Variants in C2CD5 observed in about 807,000 individuals in gnomAD.
C2CD5 encodes C2 calcium dependent domain containing 5, also known as C2 domain-containing protein 5.
A neutral mutation model predicts 130.3 loss-of-function variants in C2CD5; 109 were observed. The observed-to-expected ratio is 0.84, with a 90% CI of 0.72 to 0.98. The LOEUF (loss-of-function observed/expected upper bound fraction) is 0.98. C2CD5 is among the 50% of genes least tolerant of loss of function. The pLI, the probability that C2CD5 is intolerant of heterozygous loss-of-function variation, is 0.00. For synonymous variants in C2CD5, 454 were observed against 429.2 expected (o/e 1.06, Z -0.71); for missense variants, 996 against 1,261.8 (o/e 0.79, Z 3.19).
At chr12:22,528,339 G>A (rs541173246) in intron 3 of C2CD5, among the ~76,000 whole-genome samples, 1 of 152,256 alleles carries the variant, frequency 6.6e-6, no homozygotes, top group South Asian at 2.1e-4. Flanking sequence ...AACATTATGT[G>A]TAAGAAAAAA....
intron 9 of C2CD5, among the ~76,000 whole-genome samples, chr12:22,510,766 T>C (rs962072876): frequency 2.0e-5 from 3 of 152,228 alleles, no homozygotes; most frequent in Admixed American, 6.5e-5. Context: ...CTAAGTTCAC[T>C]AGGTTTCTTG....
At chr12:22,514,619 T>C (rs946120664) in intron 8 of C2CD5, among the ~76,000 whole-genome samples, 1 of 152,138 alleles carries the variant, frequency 6.6e-6, no homozygotes, top group East Asian at 1.9e-4. Context: ...TGTAATCATA[T>C]GGTTTAGCAA....
At position 22,512,815 on chromosome 12, in the gene C2CD5, G is replaced by A. The variant is rs1303807423; in HGVS notation, c.1038+479C>T. ...ATAACTGAAATAGATGCATTATACT[G>A]AATAACCACATTATTTATATTAATC... On this transcript the variant is annotated intron_variant, in intron 9 of 26. Transcript: ENST00000446597. 6 of 513,002 alleles carry A rather than the reference G, an allele frequency of 1.2e-5. No individual in the cohort carries two copies. In the Admixed American group the frequency reaches 1.5e-4, roughly 13 times the overall value. 31.8% of individuals were successfully genotyped at this position (513,002 alleles called of 1,614,324 possible).
intron 2 of C2CD5, among the ~76,000 whole-genome samples, chr12:22,540,021 A>T (rs76033669): frequency 0.051 from 7,747 of 151,482 alleles, 673 homozygotes; most frequent in African/African-American, 0.18. Flanking sequence ...GAGAAAAAAA[A>T]CCCTACCTAG....
At chr12:22,475,935 G>T (rs929814671) in intron 15 of C2CD5, among the ~76,000 whole-genome samples, 38 of 152,168 alleles carry the variant, frequency 2.5e-4, no homozygotes, top group African/African-American at 8.4e-4. Flanking sequence ...ACAGTGCAAC[G>T]TTATTCCCAC....
intron 2 of C2CD5, among the ~76,000 whole-genome samples, chr12:22,536,700 G>A (rs912034020): frequency 6.6e-6 from 1 of 152,184 alleles, no homozygotes; most frequent in African/African-American, 2.4e-5. Context: ...ATAAGCCAAA[G>A]AACTGACAGC....
chr12:22,458,473 C>T lies in C2CD5; in HGVS notation c.2686+11G>A. 1.3e-5 allele frequency: 16 copies of T among 1,194,074 alleles called. No homozygotes were observed. The South Asian group carries it at 1.8e-4, about 13-fold the overall frequency. The allele number at this position is 1,194,074 out of a possible 1,614,324, so 74.0% of individuals were successfully genotyped here. A position where few individuals can be genotyped will look rare whatever the true frequency, so the allele number is the denominator to read the frequency against. On this transcript the variant is annotated intron_variant, in intron 24 of 26. Transcript: ENST00000446597. ...TCAGATTATCATAATGTGGTAGAAA[C>T]ATCCGCCTACTTGTCTTAATTGATC...
intron 10 of C2CD5, among the ~76,000 whole-genome samples, chr12:22,496,835 C>T (rs917587641): frequency 2.0e-5 from 3 of 151,964 alleles, no homozygotes; most frequent in African/African-American, 7.2e-5. Flanking sequence ...AATCAATCCT[C>T]ACTGATGTCT....
intron 22 of C2CD5, among the ~76,000 whole-genome samples, chr12:22,461,731 A>G (rs1457495807): frequency 1.3e-5 from 2 of 152,184 alleles, no homozygotes; most frequent in Non-Finnish European, 2.9e-5. Flanking sequence ...AGTAAAATTT[A>G]TATAAAGGAT....
At chr12:22,481,721 C>T (rs1395516646) in intron 14 of C2CD5, among the ~76,000 whole-genome samples, 1 of 131,020 alleles carries the variant, frequency 7.6e-6, no homozygotes, top group African/African-American at 2.9e-5. Context: ...GTGATGTGAT[C>T]AGGGTTCACT....
Position 22,472,727 on chromosome 12 carries a change from A to G in C2CD5, c.2107+17T>C, listed in dbSNP as rs10842027. ...ATGTAAAACTAGTTTCATCTCAAAG[A>G]TAACTTTTTTGTTCACCTGAAGGAG... On this transcript the variant is annotated intron_variant, in intron 17 of 26. Transcript: ENST00000446597. The G allele has an allele frequency of 0.075, 105,107 of 1,403,958 alleles. 8,731 individuals carry two copies. The highest frequency in any genetic ancestry group is 0.41 in the African/African-American group (28,482 of 69,546). 87.0% of individuals were successfully genotyped at this position (1,403,958 alleles called of 1,614,324 possible).
chr12:22,481,236 G>A (rs899719409), intron 14 of C2CD5, among the ~76,000 whole-genome samples: 1 of 151,922 alleles, frequency 6.6e-6, no homozygotes, highest in Admixed American at 6.6e-5. Context: ...TTACATTTTT[G>A]CTCTTAAAGA....
intron 12 of C2CD5, among the ~76,000 whole-genome samples, chr12:22,486,472 G>A (rs1459523663): frequency 6.6e-6 from 1 of 152,100 alleles, no homozygotes; most frequent in African/African-American, 2.4e-5. Flanking sequence ...CTTCTTATAA[G>A]CCAAGACAAG....
chr12:22,484,861 A>G lies in C2CD5; in HGVS notation c.1386T>C (p.Cys462=). 6.4e-7 allele frequency: 1 copy of G among 1,562,318 alleles called. No homozygotes were observed. The highest frequency in any genetic ancestry group is 2.3e-5 in the East Asian group (1 of 43,340). ...QRLEENLPTR[C]GFCHIPYDEL... ...CATCATATGGTATATGACAAAATCCACAACGTGTAGGCAAATTTTCTTCAA... is the reference window on the plus strand; with the variant it reads ...CATCATATGGTATATGACAAAATCCGCAACGTGTAGGCAAATTTTCTTCAA... Residue 462 remains cysteine (C), a synonymous_variant, in exon 13 of 27, where the codon TGT becomes TGC. Coordinates refer to ENST00000446597, the MANE Select transcript of C2CD5 (RefSeq NM_001286176.2).
At chr12:22,465,355 G>T (rs936959527) in intron 22 of C2CD5, among the ~76,000 whole-genome samples, 1 of 152,042 alleles carries the variant, frequency 6.6e-6, no homozygotes, top group Non-Finnish European at 1.5e-5. Context: ...TAAATGATCA[G>T]TGTTTTAATG....
chr12:22,506,097 T>C (rs558542700), intron 10 of C2CD5, among the ~76,000 whole-genome samples: 1 of 152,296 alleles, frequency 6.6e-6, no homozygotes, highest in East Asian at 1.9e-4. Context: ...TCCAGTAGCC[T>C]GCTCAGCAAG....
At chr12:22,519,062 A>T in intron 7 of C2CD5, 1 of 1,495,940 alleles carries the variant, frequency 6.7e-7, no homozygotes, top group Non-Finnish European at 8.9e-7. Context: ...CTCTGCAGCC[A>T]CTCTGCCCGT....
At chr12:22,462,989 C>T (rs913389657) in intron 22 of C2CD5, among the ~76,000 whole-genome samples, 2 of 151,850 alleles carry the variant, frequency 1.3e-5, no homozygotes, top group Middle Eastern at 3.4e-3. Flanking sequence ...GAGGCTGAGG[C>T]GGGAGGATCG....
chr12:22,481,649 C>CTTTT (rs34990025), intron 14 of C2CD5, among the ~76,000 whole-genome samples: 30 of 116,408 alleles, frequency 2.6e-4, no homozygotes, highest in Non-Finnish European at 3.4e-4. Flanking sequence ...AGAAACACAC[C>CTTTT]TTTTTTTTTT....
Sources: gnomAD v4.1 joint callset for allele counts (sites outside exome capture counted in the v4.1 genomes callset) on GRCh38, gnomAD v4.1.1 for gene constraint, MANE v1.5 for transcripts, NCBI Gene and HGNC (gene_info 2026-07-23, HGNC 2026-07-21) for gene names.